The following C6 variants were observed in gnomAD, a reference collection of about 807,000 sequenced individuals.
C6 encodes complement C6, also known as complement component C6.
A neutral mutation model predicts 112.9 loss-of-function variants in C6; 101 were observed. That is an observed-to-expected ratio of 0.89 (90% CI 0.76 to 1.06). The LOEUF (loss-of-function observed/expected upper bound fraction) is 1.06. Ranked by LOEUF, C6 falls within the 50% of genes least tolerant of loss-of-function variation. The pLI is 0.00. For missense variants in C6, 1,202 were observed against 1,104.6 expected, an observed-to-expected ratio of 1.09 and a Z score of -1.25; for synonymous variants, 431 against 384.1, an observed-to-expected ratio of 1.12 and a Z score of -1.43.
intron 14 of C6, 87 bp downstream of exon 14, chr5:41,154,885 T>G (rs766880389): frequency 6.9e-5 from 92 of 1,335,982 alleles, no homozygotes; most frequent in Non-Finnish European, 9.7e-5. Context: ...TAAAATGTAT[T>G]GATCTAAGGA....
At chr5:41,203,571 G>GA in intron 1 of C6, 1 of 301,636 alleles carries the variant, frequency 3.3e-6, no homozygotes. Flanking sequence ...GATTTATACA[G>GA]TCTTACCCTT....
At position 41,153,829 on chromosome 5, in the gene C6, G is replaced by A. The variant is rs761874799; in HGVS notation, c.2271C>T (p.Asn757=). 6.2e-7 allele frequency: 1 copy of A among 1,613,126 alleles called. No individual in the cohort carries two copies. The highest frequency in any genetic ancestry group is 8.5e-7 in the Non-Finnish European group (1 of 1,179,614). Residue 757 remains asparagine, a synonymous_variant, in exon 15 of 18, where the codon AAC becomes AAT. Transcript: ENST00000337836. The part of the protein sequence containing the change: ...QGNSWTPPIS[N]SLTCEKDTLT... ...ACTCACCTTTTTCACAGGTGAGAGA[G>A]TTTGAAATGGGTGGTGTCCAGGAAT... is the stretch of plus-strand genomic sequence containing the variant.
rs1373601612 is a variant in C6 at position 41,236,925 on chromosome 5, A to G, written c.-21+24269T>C. Among the ~76,000 whole-genome samples, 484 of 150,400 alleles carry G rather than the reference A, an allele frequency of 3.2e-3. 2 individuals carry two copies. The highest frequency in any genetic ancestry group is 0.012 in the African/African-American group (474 of 40,716). ...CACCAATCCCACAGAAATACAAACT[A>G]CCATCAGAGAATACTACAAACACCT... On this transcript the variant is annotated intron_variant, in intron 1 of 17. Coordinates refer to the C6 transcript ENST00000263413.
At chr5:41,185,599 G>T (rs556845102) in intron 6 of C6, among the ~76,000 whole-genome samples, 60 of 152,114 alleles carry the variant, frequency 3.9e-4, no homozygotes, top group African/African-American at 1.4e-3. Flanking sequence ...TAATAAAATA[G>T]GAAGAAAAGT....
chr5:41,167,052 ATG>A (rs1259946684), intron 9 of C6, among the ~76,000 whole-genome samples: 4 of 151,678 alleles, frequency 2.6e-5, no homozygotes, highest in Admixed American at 1.3e-4. Context: ...TAATTTTTTT[ATG>A]TGTTTTTATA....
At position 41,172,259 on chromosome 5, in the gene C6, C is replaced by T. The variant is rs1256595797; in HGVS notation, c.1257G>A (p.Arg419=). The change falls in exon 9 of 18, where the codon AGG becomes AGA. Residue 419 remains arginine (R), a synonymous_variant. Transcript: ENST00000337836. ...TCTCTGACAGCTTGTTGGTGGTGCA[C>T]CTATGTTCCACTTTTGTTTTCTTAG... ...LFAKKTKVEH[R]CTTNKLSEKH... is the part of the protein sequence containing the mutation. 6.2e-7 allele frequency: 1 copy of T among 1,613,660 alleles called. No homozygotes were observed. Among genetic ancestry groups the T allele is most frequent in the East Asian group, 2.2e-5 (1 of 44,850 alleles).
chr5:41,164,496 A>G (rs1747815895), intron 9 of C6, among the ~76,000 whole-genome samples: 1 of 152,222 alleles, frequency 6.6e-6, no homozygotes. Context: ...AGAACAGCAG[A>G]AATGAGAGAG....
In C6 at chr5:41,196,023, A is replaced by G. The variant is rs537894565; in HGVS notation, c.446-90T>C. 4.1e-5 allele frequency: 62 copies of G among 1,496,520 alleles called. No individual in the cohort carries two copies. In the African/African-American group the frequency reaches 8.0e-4, roughly 19 times the overall value. 92.7% of individuals were successfully genotyped at this position (1,496,520 alleles called of 1,614,324 possible). On this transcript the variant is annotated intron_variant, in intron 4 of 17. Transcript: ENST00000337836. ...TGAAACTCAAATGCTTTAAATTTCA[A>G]GGTAAAGTTGAAGGCAAGTCTTCAC...
intron 1 of C6, among the ~76,000 whole-genome samples, chr5:41,211,939 C>T (rs893178697): frequency 1.3e-4 from 20 of 152,036 alleles, no homozygotes; most frequent in African/African-American, 4.6e-4. Context: ...GAGTTTTATT[C>T]CAATTATCAT....
chr5:41,161,970 T>C lies in C6; in HGVS notation c.1292-111A>G, dbSNP rs954528135. ...GAAGGGAGAAGTAGATGGTACAGTA[T>C]GTAGCTCCATTAAGAAAGCTAAGTG... On this transcript the variant is annotated intron_variant, in intron 9 of 17. Coordinates refer to ENST00000337836, the MANE Select transcript of C6 (RefSeq NM_000065.5). The C allele has an allele frequency of 4.5e-5, 45 of 999,674 alleles. No homozygotes were observed. The African/African-American group carries it at 6.1e-4, about 14-fold the overall frequency. The allele number at this position is 999,674 out of a possible 1,614,324, so 61.9% of individuals were successfully genotyped here.
chr5:41,255,316 G>A (rs979112654), intron 1 of C6, among the ~76,000 whole-genome samples: 18 of 149,740 alleles, frequency 1.2e-4, no homozygotes, highest in Non-Finnish European at 2.1e-4. Flanking sequence ...AGCCGAGATC[G>A]CCCCACTGCA....
chr5:41,223,705 T>A (rs1739314911), intron 1 of C6, among the ~76,000 whole-genome samples: 2 of 152,186 alleles, frequency 1.3e-5, no homozygotes, highest in African/African-American at 4.8e-5. Context: ...ATTTATGCAA[T>A]CTACTTTTAA....
Position 41,199,824 on chromosome 5 carries a change from G to A in C6, c.389C>T (p.Ser130Phe). 6.2e-7 allele frequency: 1 copy of A among 1,613,726 alleles called. No homozygotes were observed. The highest frequency in any genetic ancestry group is 8.5e-7 in the Non-Finnish European group (1 of 1,179,692). The part of the protein sequence containing the change: ...PLVAFQPCIP[S>F]KLCKIEEADC... ...AGCCTCTTCAATTTTGCAGAGCTTA[G>A]ATGGAATGCATGGTTGAAAGGCTAC... The change falls in exon 4 of 18, where the codon TCT (serine) becomes TTT (phenylalanine). Residue 130 changes from serine (S) to phenylalanine (F), a missense_variant. Ser to Phe is a radical substitution (Grantham distance 155). Transcript: ENST00000337836.
chr5:41,247,200 G>T (rs894450381), intron 1 of C6, among the ~76,000 whole-genome samples: 4 of 151,344 alleles, frequency 2.6e-5, no homozygotes, highest in African/African-American at 9.7e-5. Flanking sequence ...TCAGGCAAAG[G>T]AAAAAAAATA....
intron 5 of C6, among the ~76,000 whole-genome samples, chr5:41,192,100 T>C (rs905353414): frequency 6.6e-6 from 1 of 152,204 alleles, no homozygotes; most frequent in African/African-American, 2.4e-5. Context: ...TTGAGAGTTT[T>C]TATCATGAAA....
intron 1 of C6, among the ~76,000 whole-genome samples, chr5:41,258,663 A>G (rs931586840): frequency 3.9e-5 from 6 of 152,218 alleles, no homozygotes; most frequent in Non-Finnish European, 8.8e-5. Flanking sequence ...GTATTAGCCC[A>G]TTCTCATGCT....
intron 1 of C6, among the ~76,000 whole-genome samples, chr5:41,256,555 C>T (rs1741717651): frequency 6.6e-6 from 1 of 151,532 alleles, no homozygotes; most frequent in Non-Finnish European, 1.5e-5. Context: ...ATCAGAGGGC[C>T]CCACTGCTGA....
chr5:41,160,256 C>A lies in C6; in HGVS notation c.1570G>T (p.Ala524Ser), dbSNP rs777005245. The A allele has an allele frequency of 6.2e-7, 1 of 1,613,876 alleles. No homozygotes were observed. Among genetic ancestry groups the A allele is most frequent in the Admixed American group, 1.7e-5 (1 of 59,982 alleles). The change falls in exon 11 of 18, where the codon GCT becomes TCT. Residue 524 changes from alanine to serine, a missense_variant. Physicochemically the swap from Ala to Ser is moderately conservative, Grantham distance 99. Transcript: ENST00000337836. ...YAAKFDPCQC[A>S]PCPNNGRPTL... ...GGTCGGCCATTATTAGGGCATGGAG[C>A]ACACTGGCAAGGATCGAACTTGGCT...
chr5:41,186,286 T>A (rs975128804), intron 5 of C6, 78 bp from the exon 6 acceptor site: 7 of 1,504,058 alleles, frequency 4.7e-6, no homozygotes, highest in Non-Finnish European at 6.4e-6. Flanking sequence ...ATGAAAGGAA[T>A]TCCTCTTCTA....
Sources: gnomAD v4.1 joint callset for allele counts (sites outside exome capture counted in the v4.1 genomes callset) on GRCh38, gnomAD v4.1.1 for gene constraint, MANE v1.5 for transcripts, NCBI Gene and HGNC (gene_info 2026-07-23, HGNC 2026-07-21) for gene names.